Variants in TTLL5 observed in about 807,000 individuals in gnomAD.
The protein encoded by TTLL5 is tubulin tyrosine ligase like 5, also known as tubulin polyglutamylase TTLL5.
In TTLL5, 132 loss-of-function variants were observed where a neutral mutation model predicts 168.4. The observed-to-expected ratio is 0.78, with a 90% confidence interval of 0.68 to 0.91. The LOEUF (loss-of-function observed/expected upper bound fraction) is 0.91, where lower values mean the gene tolerates loss of function less well. Among genes scored for constraint, TTLL5 ranks in the 40% least tolerant of loss-of-function variants. The pLI, the probability that TTLL5 is intolerant of heterozygous loss-of-function variation, is 0.00. For missense variants in TTLL5, 1,545 were observed against 1,581.5 expected, an observed-to-expected ratio of 0.98 and a Z score of 0.39; for synonymous variants, 546 against 558.6, an observed-to-expected ratio of 0.98 and a Z score of 0.32.
At chr14:75,789,100 A>G (rs1213345745) in intron 26 of TTLL5, among the ~76,000 whole-genome samples, 2 of 152,206 alleles carry the variant, frequency 1.3e-5, no homozygotes, top group Non-Finnish European at 2.9e-5. Flanking sequence ...ATTCTCTTAA[A>G]AAAAGGGTAT....
At chr14:75,919,529 G>A (rs540693476) in intron 31 of TTLL5, among the ~76,000 whole-genome samples, 6 of 152,194 alleles carry the variant, frequency 3.9e-5, no homozygotes, top group Admixed American at 2.0e-4. Context: ...ACTATTCAGC[G>A]GAATAGTCTC....
rs1158120611 is a variant in TTLL5 at position 75,783,369 on chromosome 14, G to A, written c.2825G>A (p.Ser942Asn). The A allele has an allele frequency of 2.5e-6, 4 of 1,614,172 alleles. No homozygotes were observed. The highest frequency in any genetic ancestry group is 1.7e-5 in the Admixed American group (1 of 60,024). ...ATTTTACTGAACACAGTCTCTGCCA[G>A]TGCTTCTCCCTGCCTACATCCCGGG... ...PTILLNTVSA[S>N]ASPCLHPGAQ... The change falls in exon 26 of 32, where the codon AGT becomes AAT. Residue 942 changes from serine to asparagine, a missense_variant. Ser to Asn is a conservative substitution (Grantham distance 46). Coordinates refer to ENST00000298832, the MANE Select transcript of TTLL5 (RefSeq NM_015072.5).
intron 31 of TTLL5, among the ~76,000 whole-genome samples, chr14:75,915,782 A>G (rs752533725): frequency 1.4e-4 from 21 of 151,772 alleles, no homozygotes; most frequent in Non-Finnish European, 2.9e-4. Context: ...AATGCAAATC[A>G]GAACCCATGG....
intron 27 of TTLL5, among the ~76,000 whole-genome samples, chr14:75,811,845 A>G (rs1385477823): frequency 6.6e-6 from 1 of 152,204 alleles, no homozygotes; most frequent in African/African-American, 2.4e-5. Flanking sequence ...GGGAAGCTCC[A>G]TCATATTTTA....
chr14:75,763,251 C>CTGTGTGTGTGTGTGTGTGTG (rs1308717196), intron 18 of TTLL5, among the ~76,000 whole-genome samples: 3 of 33,926 alleles, frequency 8.8e-5, no homozygotes, highest in African/African-American at 1.8e-4. Flanking sequence ...CTATAGCTCT[C>CTGTGTGTGTGTGTGTGTGTG]TCTCTGTGTG....
intron 31 of TTLL5, among the ~76,000 whole-genome samples, chr14:75,951,263 G>C (rs544482784): frequency 1.3e-4 from 19 of 150,950 alleles, no homozygotes; most frequent in African/African-American, 3.4e-4. Context: ...CAGGAGGATC[G>C]TTTGAGCCCA....
intron 27 of TTLL5, among the ~76,000 whole-genome samples, chr14:75,808,084 CT>C (rs1893762257): frequency 6.6e-6 from 1 of 152,194 alleles, no homozygotes; most frequent in Non-Finnish European, 1.5e-5. Context: ...GCAACTCCCC[CT>C]GTCAACACAC....
Position 75,663,232 on chromosome 14 carries a change from T to C in TTLL5, c.74+9T>C, listed in dbSNP as rs755678305. 4 of 1,609,284 alleles carry C rather than the reference T, an allele frequency of 2.5e-6. No individual in the cohort carries two copies. Among genetic ancestry groups the C allele is most frequent in the South Asian group, 2.2e-5 (2 of 89,734 alleles). ...GAGGTCATAAGTCAAGAGTAAGTAA[T>C]AGCAAGCCTGCTTTCAACCTGTGCT... On this transcript the variant is annotated intron_variant, in intron 2 of 31. Transcript: ENST00000298832.
intron 7 of TTLL5, 48 bp from the exon 8 acceptor site, chr14:75,706,970 G>T: frequency 6.8e-7 from 1 of 1,469,570 alleles, no homozygotes; most frequent in Non-Finnish European, 9.5e-7. Flanking sequence ...TTGTAAATTA[G>T]GATTCCTGTG....
chr14:75,846,297 C>G (rs904116834), intron 28 of TTLL5, among the ~76,000 whole-genome samples: 5 of 152,098 alleles, frequency 3.3e-5, no homozygotes, highest in Non-Finnish European at 5.9e-5. Context: ...TAAGGGAAAT[C>G]TTGTGACTCT....
At chr14:75,803,017 A>G (rs1893416734) in intron 27 of TTLL5, 1 of 152,410 alleles carries the variant, frequency 6.6e-6, no homozygotes, top group Non-Finnish European at 1.5e-5. Context: ...GGGACTAGCT[A>G]GGAATGAAGT....
At chr14:75,833,717 G>C (rs139661811) in intron 28 of TTLL5, among the ~76,000 whole-genome samples, 14 of 152,256 alleles carry the variant, frequency 9.2e-5, no homozygotes, top group Non-Finnish European at 1.8e-4. Flanking sequence ...ACATTTCTAT[G>C]TCATCTACCC....
intron 27 of TTLL5, among the ~76,000 whole-genome samples, chr14:75,816,069 T>C (rs1894373084): frequency 6.6e-6 from 1 of 152,238 alleles, no homozygotes; most frequent in Non-Finnish European, 1.5e-5. Flanking sequence ...TTGTTTACCC[T>C]CTTTTGACTT....
intron 27 of TTLL5, among the ~76,000 whole-genome samples, chr14:75,801,395 A>G (rs1040921077): frequency 6.6e-6 from 1 of 152,174 alleles, no homozygotes; most frequent in African/African-American, 2.4e-5. Flanking sequence ...TGATACAGGC[A>G]TATAGTGTGT....
At chr14:75,818,460 G>T in intron 27 of TTLL5, 1 of 393,990 alleles carries the variant, frequency 2.5e-6, no homozygotes, top group Non-Finnish European at 4.9e-6. Context: ...AGATATTAGC[G>T]TGTTCCTATA....
intron 12 of TTLL5, 44 bp from the exon 13 acceptor site, chr14:75,732,294 A>G (rs1888596689): frequency 3.8e-6 from 6 of 1,568,990 alleles, no homozygotes; most frequent in Non-Finnish European, 5.2e-6. Context: ...TGTAGTTGTG[A>G]CATGGAAAAT....
chr14:75,722,888 TACAG>T (rs1399407020), intron 12 of TTLL5, among the ~76,000 whole-genome samples: 3 of 152,176 alleles, frequency 2.0e-5, no homozygotes, highest in Non-Finnish European at 4.4e-5. Context: ...CCTAATAAAT[TACAG>T]ACATTTTTCA....
intron 31 of TTLL5, among the ~76,000 whole-genome samples, chr14:75,916,368 G>T (rs2033615492): frequency 6.6e-6 from 1 of 151,830 alleles, no homozygotes; most frequent in Admixed American, 6.6e-5. Flanking sequence ...CTGGCCAGGT[G>T]CAGTGGCTCA....
chr14:75,734,139 A>G, intron 14 of TTLL5, 89 bp downstream of exon 14: 1 of 1,261,952 alleles, frequency 7.9e-7, no homozygotes, highest in East Asian at 2.3e-5. Context: ...GCCAACTGGC[A>G]GGTCCTAAGC....
Sources: gnomAD v4.1 joint callset for allele counts (sites outside exome capture counted in the v4.1 genomes callset) on GRCh38, gnomAD v4.1.1 for gene constraint, MANE v1.5 for transcripts, NCBI Gene and HGNC (gene_info 2026-07-23, HGNC 2026-07-21) for gene names.